Variants in RBFOX1 observed in about 807,000 individuals in gnomAD.
The protein encoded by RBFOX1 is RNA binding protein fox-1 homolog 1.
In RBFOX1, 8 loss-of-function variants were observed where a neutral mutation model predicts 57.7. The ratio of observed to expected loss-of-function variants is 0.14; its 90% CI spans 0.08 to 0.25. RBFOX1 has a LOEUF of 0.25. Ranked by LOEUF, RBFOX1 falls within the 10% of genes least tolerant of loss-of-function variation. The pLI, the probability that RBFOX1 is intolerant of heterozygous loss-of-function variation, is 1.00. For missense variants in RBFOX1, 611 were observed against 548.5 expected, an observed-to-expected ratio of 1.11 and a Z score of -1.14; for synonymous variants, 326 against 222.4, an observed-to-expected ratio of 1.47 and a Z score of -4.15.
chr16:6,058,720 C>G, intron 1 of RBFOX1, among the ~76,000 whole-genome samples: 1 of 150,054 alleles, frequency 6.7e-6, no homozygotes, highest in Non-Finnish European at 1.5e-5. Flanking sequence ...CACCCATCCA[C>G]CCACCCATCC....
At chr16:6,575,481 A>T (rs1362489327) in intron 2 of RBFOX1, among the ~76,000 whole-genome samples, 1 of 152,216 alleles carries the variant, frequency 6.6e-6, no homozygotes, top group East Asian at 1.9e-4. Flanking sequence ...TCATAAAAGC[A>T]TCACTGATCT....
At chr16:7,122,426 C>T (rs1049363276) in intron 4 of RBFOX1, among the ~76,000 whole-genome samples, 2 of 151,958 alleles carry the variant, frequency 1.3e-5, no homozygotes, top group Non-Finnish European at 2.9e-5. Context: ...AGAGGATATT[C>T]ATCAGGCAAA....
At chr16:5,500,568 C>T (rs369346102) in intron 2 of RBFOX1, among the ~76,000 whole-genome samples, 2 of 152,272 alleles carry the variant, frequency 1.3e-5, no homozygotes, top group East Asian at 3.9e-4. Flanking sequence ...AAACTTACTT[C>T]ATGCTCTTTC....
At chr16:5,830,598 G>T (rs930908276) in intron 3 of RBFOX1, among the ~76,000 whole-genome samples, 1 of 152,140 alleles carries the variant, frequency 6.6e-6, no homozygotes, top group African/African-American at 2.4e-5. Flanking sequence ...CAGCAGATGT[G>T]ATCTGGGAGG....
chr16:6,113,754 A>T (rs2096469589), intron 1 of RBFOX1, among the ~76,000 whole-genome samples: 1 of 152,196 alleles, frequency 6.6e-6, no homozygotes, highest in South Asian at 2.1e-4. Context: ...CCTAGCATGT[A>T]ACATACACTC....
intron 3 of RBFOX1, among the ~76,000 whole-genome samples, chr16:5,711,224 C>G (rs555468929): frequency 6.6e-6 from 1 of 152,210 alleles, no homozygotes; most frequent in Non-Finnish European, 1.5e-5. Flanking sequence ...CTAATAGTAA[C>G]TCATTTAATC....
At chr16:6,296,685 G>C (rs1476665135) in intron 1 of RBFOX1, among the ~76,000 whole-genome samples, 1 of 152,176 alleles carries the variant, frequency 6.6e-6, no homozygotes, top group East Asian at 1.9e-4. Context: ...CTCCCAAAGT[G>C]CTGGGATTAC....
chr16:5,997,689 T>C (rs182531856), intron 4 of RBFOX1, among the ~76,000 whole-genome samples: 1 of 152,318 alleles, frequency 6.6e-6, no homozygotes, highest in Admixed American at 6.5e-5. Flanking sequence ...GAGGAATGGT[T>C]TTCACATTTT....
At chr16:6,507,153 C>G (rs28575459) in intron 2 of RBFOX1, among the ~76,000 whole-genome samples, 14,773 of 152,180 alleles carry the variant, frequency 0.097, 838 homozygotes, top group African/African-American at 0.13. Context: ...CGTTCCTCAC[C>G]TCCACTGCAG....
chr16:6,446,187 A>G (rs1193128818), intron 2 of RBFOX1, among the ~76,000 whole-genome samples: 1 of 152,098 alleles, frequency 6.6e-6, no homozygotes, highest in Non-Finnish European at 1.5e-5. Flanking sequence ...ATTATTCATT[A>G]GAGCCAGGGT....
chr16:7,095,563 G>T (rs1433287859), intron 4 of RBFOX1, among the ~76,000 whole-genome samples: 2 of 152,102 alleles, frequency 1.3e-5, no homozygotes, highest in African/African-American at 4.8e-5. Context: ...GAGTTACATT[G>T]TGAGCCCTTT....
chr16:7,327,915 C>A (rs114418896), intron 4 of RBFOX1, among the ~76,000 whole-genome samples: 1 of 152,018 alleles, frequency 6.6e-6, no homozygotes, highest in Admixed American at 6.6e-5. Context: ...CGATGTTGAC[C>A]GACAGAATCC....
chr16:6,155,711 GT>G (rs2096833626), intron 1 of RBFOX1, among the ~76,000 whole-genome samples: 1 of 152,278 alleles, frequency 6.6e-6, no homozygotes, highest in South Asian at 2.1e-4. Flanking sequence ...CCTTGAAGTA[GT>G]CCCCGTGGAG....
intron 2 of RBFOX1, among the ~76,000 whole-genome samples, chr16:6,443,763 C>T (rs2094433213): frequency 6.6e-6 from 1 of 152,156 alleles, no homozygotes. Flanking sequence ...ATCTACCCAT[C>T]TACCCATCTA....
intron 4 of RBFOX1, among the ~76,000 whole-genome samples, chr16:7,461,639 C>T (rs1018772538): frequency 1.6e-4 from 25 of 152,070 alleles, no homozygotes; most frequent in Non-Finnish European, 2.9e-4. Context: ...AAAAGCCGTA[C>T]GTTTTCTTGG....
chr16:6,934,060 T>G (rs746207526), intron 3 of RBFOX1, among the ~76,000 whole-genome samples: 1 of 152,150 alleles, frequency 6.6e-6, no homozygotes, highest in Non-Finnish European at 1.5e-5. Context: ...CCGAGAGGCC[T>G]TGAGGGTAGG....
intron 14 of RBFOX1, among the ~76,000 whole-genome samples, chr16:7,696,135 A>G (rs1011394962): frequency 1.3e-5 from 2 of 152,150 alleles, no homozygotes; most frequent in Admixed American, 6.5e-5. Flanking sequence ...TTTCATTAAC[A>G]TTTGTGGTCT....
chr16:7,493,246 C>G (rs955100504), intron 4 of RBFOX1, among the ~76,000 whole-genome samples: 2 of 152,200 alleles, frequency 1.3e-5, no homozygotes, highest in Non-Finnish European at 2.9e-5. Context: ...CACACTCAGT[C>G]AGACTGTCTA....
At chr16:7,297,908 T>C (rs1704607390) in intron 4 of RBFOX1, among the ~76,000 whole-genome samples, 1 of 152,172 alleles carries the variant, frequency 6.6e-6, no homozygotes, top group Non-Finnish European at 1.5e-5. Context: ...TGTATGCACT[T>C]CACATGACTG....
Sources: gnomAD v4.1 joint callset for allele counts (sites outside exome capture counted in the v4.1 genomes callset) on GRCh38, gnomAD v4.1.1 for gene constraint, MANE v1.5 for transcripts, NCBI Gene and HGNC (gene_info 2026-07-23, HGNC 2026-07-21) for gene names.